Variants in KIRREL3 observed in about 807,000 individuals in gnomAD.
The protein encoded by KIRREL3 is kirre like nephrin family adhesion molecule 3, also known as kin of IRRE-like protein 3.
A neutral mutation model predicts 89.7 loss-of-function variants in KIRREL3; 36 were observed. The ratio of observed to expected loss-of-function variants is 0.40; its 90% CI spans 0.31 to 0.53. The LOEUF (loss-of-function observed/expected upper bound fraction) is 0.53, where lower values mean the gene tolerates loss of function less well. KIRREL3 is among the 20% of genes least tolerant of loss of function. The probability of loss-of-function intolerance (pLI) is 0.49; values close to 1 mark genes in which losing one functional copy is unlikely to be tolerated. For missense variants in KIRREL3, 864 were observed against 1,056.6 expected (o/e 0.82, Z 2.53); for synonymous variants, 445 against 441.4 (o/e 1.01, Z -0.10).
At position 126,437,017 on chromosome 11, in the gene KIRREL3, G is replaced by T; in HGVS notation, c.1354-8C>A. On this transcript the variant is annotated splice_polypyrimidine_tract_variant and splice_region_variant and intron_variant, in intron 11 of 16. Coordinates refer to ENST00000525144, the MANE Select transcript of KIRREL3 (RefSeq NM_032531.4). ...CTCCTTCCAGGACCAGGCCTGCCCG[G>T]GGGCGCAGAATCAGGAGGAGACCCC... 6.6e-7 allele frequency: 1 copy of T among 1,517,386 alleles called. No individual in the cohort carries two copies. The highest frequency in any genetic ancestry group is 2.4e-5 in the East Asian group (1 of 41,664). The allele number at this position is 1,517,386 out of a possible 1,614,324, so 94.0% of individuals were successfully genotyped here.
Position 126,997,428 on chromosome 11 carries a change from G to T in KIRREL3, c.55+3027C>A, listed in dbSNP as rs474504. Among the ~76,000 whole-genome samples the T allele has an allele frequency of 6.6e-6, 1 of 152,042 alleles. No homozygotes were observed. The highest frequency in any genetic ancestry group is 1.5e-5 in the Non-Finnish European group (1 of 68,006). On this transcript the variant is annotated intron_variant, in intron 1 of 16. Coordinates refer to ENST00000525144, the MANE Select transcript of KIRREL3 (RefSeq NM_032531.4). The surrounding 1 kb of genome is among the most constrained non-coding windows in gnomAD (Gnocchi z 4.3). ...CTCTCCATTCCCTTGTTGGGAGCCAGGCCTGGGGACTCTGGCGGGGGTGGA... is the reference window on the plus strand; with the variant it reads ...CTCTCCATTCCCTTGTTGGGAGCCATGCCTGGGGACTCTGGCGGGGGTGGA...
chr11:126,734,391 C>T lies in KIRREL3; in HGVS notation c.56-171479G>A, dbSNP rs373568490. Among the ~76,000 whole-genome samples, 3 of 152,130 alleles carry T rather than the reference C, an allele frequency of 2.0e-5. No homozygotes were observed. Among genetic ancestry groups the T allele is most frequent in the Non-Finnish European group, 4.4e-5 (3 of 68,024 alleles). On this transcript the variant is annotated intron_variant, in intron 1 of 16. Transcript: ENST00000525144. This position sits in a 1 kb window ranked among gnomAD's most constrained non-coding sequence, Gnocchi z 5.9. ...TACTTAAGAAATATTTGGCCAGGCG[C>T]GGTGGCTCATGCATGTAATCCCAGC...
chr11:126,817,440 G>T lies in KIRREL3; in HGVS notation c.55+183015C>A, dbSNP rs1672131107. On this transcript the variant is annotated intron_variant, in intron 1 of 16. Coordinates refer to ENST00000525144, the MANE Select transcript of KIRREL3 (RefSeq NM_032531.4). This position sits in a 1 kb window ranked among gnomAD's most constrained non-coding sequence, Gnocchi z 5.7. ...TGAGGGCTTCAGCTTCCTCATTGTGGGGGACAGAAGGGGATGGTTTAGCAA... is the reference window on the plus strand; with the variant it reads ...TGAGGGCTTCAGCTTCCTCATTGTGTGGGACAGAAGGGGATGGTTTAGCAA... Among the ~76,000 whole-genome samples, 1 of 152,122 alleles carries T rather than the reference G, an allele frequency of 6.6e-6. No individual in the cohort carries two copies. Among genetic ancestry groups the T allele is most frequent in the African/African-American group, 2.4e-5 (1 of 41,422 alleles).
rs919021568 is a variant in KIRREL3 at position 126,645,889 on chromosome 11, C to T, written c.56-82977G>A. 6.6e-5 allele frequency among the ~76,000 whole-genome samples: 10 copies of T among 152,092 alleles called. No homozygotes were observed. The highest frequency in any genetic ancestry group is 2.1e-4 in the South Asian group (1 of 4,816). On this transcript the variant is annotated intron_variant, in intron 1 of 16. Coordinates refer to ENST00000525144, the MANE Select transcript of KIRREL3 (RefSeq NM_032531.4). The surrounding 1 kb of genome is among the most constrained non-coding windows in gnomAD (Gnocchi z 4.9). The stretch of plus-strand genomic sequence containing the variant: ...AATACTAATGCATATGCTGTTAAAC[C>T]TTTTTAATTAACTTCAACTTCTCCC...
intron 1 of KIRREL3, among the ~76,000 whole-genome samples, chr11:126,833,104 T>A (rs934801117): frequency 6.6e-6 from 1 of 152,156 alleles, no homozygotes; most frequent in Non-Finnish European, 1.5e-5. Flanking sequence ...TCTTATCTGG[T>A]CTCCTAGATG....
rs1196908198 is a variant in KIRREL3, at chr11:126,860,004, G to C, written c.55+140451C>G. 6.6e-6 allele frequency among the ~76,000 whole-genome samples: 1 copy of C among 152,046 alleles called. No individual in the cohort carries two copies. The highest frequency in any genetic ancestry group is 1.5e-5 in the Non-Finnish European group (1 of 68,018). On this transcript the variant is annotated intron_variant, in intron 1 of 16. Transcript: ENST00000525144. This position sits in a 1 kb window ranked among gnomAD's most constrained non-coding sequence, Gnocchi z 4.6. ...TCTTTTCTGCTCTGATTTACCTTTA[G>C]AGCTGTATTAACTCTGACGTTCTAC...
chr11:126,574,752 T>C lies in KIRREL3; in HGVS notation c.56-11840A>G, dbSNP rs1482704870. 6.6e-6 allele frequency among the ~76,000 whole-genome samples: 1 copy of C among 152,182 alleles called. No individual in the cohort carries two copies. The highest frequency in any genetic ancestry group is 2.4e-5 in the African/African-American group (1 of 41,442). Reference sequence around the variant, plus strand: ...TGGCTCCTTAGACTTAAATCTCCCTTGAAAAGAAAATGCTGCTTATGAACC... The same window carrying C: ...TGGCTCCTTAGACTTAAATCTCCCTCGAAAAGAAAATGCTGCTTATGAACC... On this transcript the variant is annotated intron_variant, in intron 1 of 16. Coordinates refer to ENST00000525144, the MANE Select transcript of KIRREL3 (RefSeq NM_032531.4). The surrounding 1 kb of genome is among the most constrained non-coding windows in gnomAD (Gnocchi z 5.3).
At position 126,677,052 on chromosome 11, in the gene KIRREL3, A is replaced by AT. The variant is rs58288550; in HGVS notation, c.56-114141dup. Among the ~76,000 whole-genome samples the AT allele has an allele frequency of 0.023, 3,373 of 146,830 alleles. 50 individuals are homozygous for AT. The highest frequency in any genetic ancestry group is 0.028 in the African/African-American group (1,130 of 40,322). On this transcript the variant is annotated intron_variant, in intron 1 of 16. Transcript: ENST00000525144. The surrounding 1 kb of genome is among the most constrained non-coding windows in gnomAD (Gnocchi z 5.1). ...ATCCTCCCGCCTTGGCCTCTCAAAG[A>AT]TTTTTTTTTTTTAACAGCTGTATTG... is the stretch of plus-strand genomic sequence containing the variant.
rs1347340562 is a variant in KIRREL3 at position 126,520,255 on chromosome 11, C to T, written c.433+1060G>A. Reference sequence around the variant, plus strand: ...GCTGCTGACCCTGTTGTCGAACCTTCACAACAGCTGCTAAGGGGTGGGCCT... The same window carrying T: ...GCTGCTGACCCTGTTGTCGAACCTTTACAACAGCTGCTAAGGGGTGGGCCT... On this transcript the variant is annotated intron_variant, in intron 4 of 16. Transcript: ENST00000525144. The surrounding 1 kb of genome is among the most constrained non-coding windows in gnomAD (Gnocchi z 4.9). Among the ~76,000 whole-genome samples, 1 of 152,240 alleles carries T rather than the reference C, an allele frequency of 6.6e-6. No homozygotes were observed. Among genetic ancestry groups the T allele is most frequent in the Non-Finnish European group, 1.5e-5 (1 of 68,042 alleles).
rs376081338 is a variant in KIRREL3, at chr11:126,733,428, A to G, written c.56-170516T>C. ...TCTCTCTGTCCCTTGAAAGGATGCA[A>G]TGCGCTGGGGAGATGAAACCAGTTT... On this transcript the variant is annotated intron_variant, in intron 1 of 16. Coordinates refer to ENST00000525144, the MANE Select transcript of KIRREL3 (RefSeq NM_032531.4). Among the ~76,000 whole-genome samples the G allele has an allele frequency of 2.6e-5, 4 of 152,246 alleles. 1 individual carries two copies. Among genetic ancestry groups the G allele is most frequent in the African/African-American group, 7.2e-5 (3 of 41,544 alleles).
In KIRREL3 at chr11:126,924,418, A is replaced by G. The variant is rs775960742; in HGVS notation, c.55+76037T>C. 1.3e-4 allele frequency among the ~76,000 whole-genome samples: 20 copies of G among 152,226 alleles called. No individual in the cohort carries two copies. Among genetic ancestry groups the G allele is most frequent in the Non-Finnish European group, 2.6e-4 (18 of 68,042 alleles). On this transcript the variant is annotated intron_variant, in intron 1 of 16. Transcript: ENST00000525144. This position sits in a 1 kb window ranked among gnomAD's most constrained non-coding sequence, Gnocchi z 4.7. Reference sequence around the variant, plus strand: ...TAAGTACTCAAAAAATATGTGTTCAATGAAAAAATAATTGGGATCTAAAAT... The same window carrying G: ...TAAGTACTCAAAAAATATGTGTTCAGTGAAAAAATAATTGGGATCTAAAAT...
intron 1 of KIRREL3, among the ~76,000 whole-genome samples, chr11:126,654,791 AT>A (rs137929793): frequency 0.047 from 7,172 of 151,802 alleles, 224 homozygotes; most frequent in Non-Finnish European, 0.069. Context: ...TTCAACCATT[AT>A]TTTTTTTTAT....
chr11:126,533,420 A>G (rs1489266428), intron 2 of KIRREL3, among the ~76,000 whole-genome samples: 1 of 152,184 alleles, frequency 6.6e-6, no homozygotes, highest in Non-Finnish European at 1.5e-5. Flanking sequence ...TCTCAAGGAA[A>G]CTCAGGAAGA....
Position 126,541,515 on chromosome 11 carries a change from A to C in KIRREL3, c.134-14828T>G, listed in dbSNP as rs568384400. Among the ~76,000 whole-genome samples the C allele has an allele frequency of 6.6e-6, 1 of 152,330 alleles. No homozygotes were observed. Among genetic ancestry groups the C allele is most frequent in the South Asian group, 2.1e-4 (1 of 4,816 alleles). On this transcript the variant is annotated intron_variant, in intron 2 of 16. Transcript: ENST00000525144. The surrounding 1 kb of genome is among the most constrained non-coding windows in gnomAD (Gnocchi z 4.8). ...TCAGATCTATATCCTAAACATTAAA[A>C]AAAGTAAACAAAATAATCATTTATG...
chr11:126,643,163 C>A lies in KIRREL3; in HGVS notation c.56-80251G>T, dbSNP rs1944537257. Reference sequence around the variant, plus strand: ...GGGCAGAAAATGTAAACAAGCATAGCTTCAATTTTCCTATTTCTATAACAA... The same window carrying A: ...GGGCAGAAAATGTAAACAAGCATAGATTCAATTTTCCTATTTCTATAACAA... On this transcript the variant is annotated intron_variant, in intron 1 of 16. Transcript: ENST00000525144. The surrounding 1 kb of genome is among the most constrained non-coding windows in gnomAD (Gnocchi z 4.5). Among the ~76,000 whole-genome samples, 2 of 152,184 alleles carry A rather than the reference C, an allele frequency of 1.3e-5. No individual in the cohort carries two copies. The highest frequency in any genetic ancestry group is 2.9e-5 in the Non-Finnish European group (2 of 68,030).
rs988709466 is a variant in KIRREL3, at chr11:126,562,729, C to G, written c.133+106G>C. 1 of 901,522 alleles carries G rather than the reference C, an allele frequency of 1.1e-6. No homozygotes were observed. 55.8% of individuals were successfully genotyped at this position (901,522 alleles called of 1,614,324 possible). A position where few individuals can be genotyped will look rare whatever the true frequency, so the allele number is the denominator to read the frequency against. On this transcript the variant is annotated intron_variant, in intron 2 of 16. Coordinates refer to ENST00000525144, the MANE Select transcript of KIRREL3 (RefSeq NM_032531.4). The surrounding 1 kb of genome is among the most constrained non-coding windows in gnomAD (Gnocchi z 4.7). ...AAACTGGTCTTCCCACTGTCCCCTT[C>G]TGAGAGGTCCCAGGTTCTTATTCCT...
At position 126,558,083 on chromosome 11, in the gene KIRREL3, T is replaced by C. The variant is rs1939835905; in HGVS notation, c.133+4752A>G. ...AGTCCACGGAAACCGACACCCACCC[T>C]GATGGGCAGCCCAAGAAGGCACCAG... On this transcript the variant is annotated intron_variant, in intron 2 of 16. Transcript: ENST00000525144. This position sits in a 1 kb window ranked among gnomAD's most constrained non-coding sequence, Gnocchi z 4.0. 6.6e-6 allele frequency among the ~76,000 whole-genome samples: 1 copy of C among 152,216 alleles called. No individual in the cohort carries two copies. The highest frequency in any genetic ancestry group is 1.5e-5 in the Non-Finnish European group (1 of 68,036).
In KIRREL3 at chr11:126,811,066, C is replaced by A. The variant is rs943683582; in HGVS notation, c.55+189389G>T. ...AGCTGTCTGCCTTCCCTGGCTACAC[C>A]CATGGGCACCTGGTGGCCCTGCTGA... On this transcript the variant is annotated intron_variant, in intron 1 of 16. Coordinates refer to ENST00000525144, the MANE Select transcript of KIRREL3 (RefSeq NM_032531.4). This position sits in a 1 kb window ranked among gnomAD's most constrained non-coding sequence, Gnocchi z 4.3. 6.6e-6 allele frequency among the ~76,000 whole-genome samples: 1 copy of A among 152,136 alleles called. No homozygotes were observed. Among genetic ancestry groups the A allele is most frequent in the Non-Finnish European group, 1.5e-5 (1 of 68,018 alleles).
intron 1 of KIRREL3, among the ~76,000 whole-genome samples, chr11:126,779,380 T>C (rs1950259970): frequency 6.6e-6 from 1 of 152,182 alleles, no homozygotes; most frequent in South Asian, 2.1e-4. Context: ...TCTCTCTCCC[T>C]GAAACCTGTT....
Sources: gnomAD v4.1 joint callset for allele counts (sites outside exome capture counted in the v4.1 genomes callset) on GRCh38, gnomAD v4.1.1 for gene constraint, Gnocchi (gnomAD v3.1) non-coding constraint, MANE v1.5 for transcripts, NCBI Gene and HGNC (gene_info 2026-07-23, HGNC 2026-07-21) for gene names.